Variants in ANGPT2 observed in about 807,000 individuals in gnomAD.
ANGPT2 encodes the protein angiopoietin-2.
ANGPT2 carries 28 observed loss-of-function variants against 62.9 expected under a neutral mutation model. That is an observed-to-expected ratio of 0.44 (90% confidence interval 0.33 to 0.61). The LOEUF (loss-of-function observed/expected upper bound fraction) is 0.61, where lower values mean the gene tolerates loss of function less well. Among genes scored for constraint, ANGPT2 ranks in the 20% least tolerant of loss-of-function variants. The pLI is 0.03. For synonymous variants in ANGPT2, 284 were observed against 207.8 expected (o/e 1.37, Z -3.15); for missense variants, 727 against 594.9 (o/e 1.22, Z -2.31).
chr8:6,561,808 CAG>C (rs1481153705), intron 1 of ANGPT2, among the ~76,000 whole-genome samples: 6 of 149,492 alleles, frequency 4.0e-5, no homozygotes, highest in South Asian at 2.4e-4. Context: ...GAAAGAAAAA[CAG>C]AGCTTTCAAT....
intron 1 of ANGPT2, among the ~76,000 whole-genome samples, chr8:6,532,707 C>T (rs543490191): frequency 2.0e-5 from 3 of 152,004 alleles, no homozygotes; most frequent in Admixed American, 2.0e-4. Flanking sequence ...TTAGTCACAT[C>T]ATGTAAAGGA....
intron 3 of ANGPT2, among the ~76,000 whole-genome samples, chr8:6,526,317 C>G (rs1245146014): frequency 6.7e-6 from 1 of 150,050 alleles, no homozygotes; most frequent in East Asian, 1.9e-4. Flanking sequence ...GCCTGTAGTC[C>G]CAGCTACTCA....
rs142812969 is a variant in ANGPT2, at chr8:6,541,084, G to A, written c.289-8597C>T. Among the ~76,000 whole-genome samples, 342 of 152,346 alleles carry A rather than the reference G, an allele frequency of 2.2e-3. 3 individuals are homozygous for A. The highest frequency in any genetic ancestry group is 7.9e-3 in the African/African-American group (329 of 41,572). Reference sequence around the variant, plus strand: ...GGCAGCTTGGAGCCAACGTCCCTAGGCATGGCCTGGGGGTTTGTGGGAAGG... The same window carrying A: ...GGCAGCTTGGAGCCAACGTCCCTAGACATGGCCTGGGGGTTTGTGGGAAGG... On this transcript the variant is annotated intron_variant, in intron 1 of 8. Transcript: ENST00000629816.
chr8:6,532,869 C>T (rs796683222), intron 1 of ANGPT2, among the ~76,000 whole-genome samples: 40 of 152,264 alleles, frequency 2.6e-4, no homozygotes, highest in African/African-American at 8.4e-4. Flanking sequence ...ACCATGCAGT[C>T]AGGAAATGAT....
intron 5 of ANGPT2, among the ~76,000 whole-genome samples, chr8:6,516,131 A>T (rs1007770250): frequency 1.8e-4 from 27 of 152,208 alleles, no homozygotes; most frequent in African/African-American, 6.5e-4. Context: ...TGAAAGTTAC[A>T]TTTATTAAGA....
At chr8:6,554,213 A>T (rs1824175562) in intron 1 of ANGPT2, among the ~76,000 whole-genome samples, 1 of 151,492 alleles carries the variant, frequency 6.6e-6, no homozygotes, top group South Asian at 2.1e-4. Context: ...AAGAGTGTTA[A>T]CATGGGAGTA....
chr8:6,505,433 TATATTCTTTATATACATATA>T (rs1813326095), intron 8 of ANGPT2, among the ~76,000 whole-genome samples: 5 of 78,684 alleles, frequency 6.4e-5, no homozygotes, highest in Non-Finnish European at 8.2e-5. Context: ...AAAGAATATA[TATATTCTTTATATACATATA>T]GAATATATAT....
In ANGPT2 at chr8:6,501,357, C is replaced by CT. The variant is rs1812140709; in HGVS notation, c.*1743_*1744insA. The stretch of plus-strand genomic sequence containing the variant: ...ACAGACATATAGTAGATGCTAGTTA[C>CT]AGACTGGACTCTGAACTTCCTTGCA... On this transcript the variant is annotated 3_prime_UTR_variant, in exon 9 of 9. Coordinates refer to ENST00000629816, the MANE Select transcript of ANGPT2 (RefSeq NM_001118887.2). 1.3e-5 allele frequency: 2 copies of CT among 152,126 alleles called. No homozygotes were observed. Among genetic ancestry groups the CT allele is most frequent in the Non-Finnish European group, 2.9e-5 (2 of 68,018 alleles). The allele number at this position is 152,126 out of a possible 1,614,324, so 9.4% of individuals were successfully genotyped here.
At position 6,514,671 on chromosome 8, in the gene ANGPT2, C is replaced by T; in HGVS notation, c.1029+6G>A. ...TCTTTTCTGATGCCTTAAAGAATGT[C>T]CTTACCACTTTATATTCTTTCCAAG... On this transcript the variant is annotated splice_donor_region_variant and intron_variant, in intron 6 of 8. Transcript: ENST00000629816. 1 of 1,612,704 alleles carries T rather than the reference C, an allele frequency of 6.2e-7. No individual in the cohort carries two copies. Among genetic ancestry groups the T allele is most frequent in the Non-Finnish European group, 8.5e-7 (1 of 1,178,796 alleles).
At chr8:6,505,555 T>TA (rs1240181384) in intron 8 of ANGPT2, among the ~76,000 whole-genome samples, 1 of 102,006 alleles carries the variant, frequency 9.8e-6, no homozygotes, top group Non-Finnish European at 1.9e-5. Context: ...TATATATACT[T>TA]TATATATGTA....
chr8:6,539,381 G>C (rs552328453), intron 1 of ANGPT2, among the ~76,000 whole-genome samples: 2 of 152,256 alleles, frequency 1.3e-5, no homozygotes, highest in East Asian at 3.9e-4. Context: ...TAAGGCCCTA[G>C]AAGTTGAGGC....
chr8:6,502,499 G>T lies in ANGPT2; in HGVS notation c.*602C>A, dbSNP rs896783743. Reference sequence around the variant, plus strand: ...AAGCTGTCAACATAAATGTAAATACGCTGTTTTTGAAATAAAAATTTAAAG... The same window carrying T: ...AAGCTGTCAACATAAATGTAAATACTCTGTTTTTGAAATAAAAATTTAAAG... On this transcript the variant is annotated 3_prime_UTR_variant, in exon 9 of 9. Transcript: ENST00000629816. 2 of 152,152 alleles carry T rather than the reference G, an allele frequency of 1.3e-5. No homozygotes were observed. The highest frequency in any genetic ancestry group is 2.9e-5 in the Non-Finnish European group (2 of 68,036). 9.4% of individuals were successfully genotyped at this position (152,152 alleles called of 1,614,324 possible).
At chr8:6,509,311 G>A (rs948338474) in intron 7 of ANGPT2, among the ~76,000 whole-genome samples, 4 of 152,162 alleles carry the variant, frequency 2.6e-5, no homozygotes, top group Non-Finnish European at 5.9e-5. Flanking sequence ...TATCAGAAGC[G>A]ACTGTAGAGC....
Position 6,520,473 on chromosome 8 carries a change from G to A in ANGPT2, c.800-482C>T, listed in dbSNP as rs538718677. ...GTGCAGTGACACATCTCAGCTTACC[G>A]CATCCTCCTCCTCCCAGGTTTAAGT... On this transcript the variant is annotated intron_variant, in intron 4 of 8. Coordinates refer to ENST00000629816, the MANE Select transcript of ANGPT2 (RefSeq NM_001118887.2). 1.3e-4 allele frequency among the ~76,000 whole-genome samples: 19 copies of A among 151,936 alleles called. 1 individual carries two copies. The highest frequency in any genetic ancestry group is 3.9e-4 in the African/African-American group (16 of 41,332).
At chr8:6,561,706 A>AAT (rs1243013309) in intron 1 of ANGPT2, among the ~76,000 whole-genome samples, 4 of 152,256 alleles carry the variant, frequency 2.6e-5, no homozygotes, top group African/African-American at 9.6e-5. Context: ...CTTCCTTTAG[A>AAT]ATATATATAG....
chr8:6,534,665 A>G (rs12676103), intron 1 of ANGPT2, among the ~76,000 whole-genome samples: 37,008 of 152,116 alleles, frequency 0.24, 5,575 homozygotes, highest in East Asian at 0.42. Context: ...AAAATAAAAA[A>G]TCAGTCACTG....
chr8:6,519,701 C>T (rs1412041460), intron 5 of ANGPT2, among the ~76,000 whole-genome samples, 163 bp downstream of exon 5: 1 of 152,232 alleles, frequency 6.6e-6, no homozygotes, highest in Non-Finnish European at 1.5e-5. Flanking sequence ...ACTTAGAGCC[C>T]TTGGCAAGCA....
chr8:6,516,313 A>C (rs150929433), intron 5 of ANGPT2, among the ~76,000 whole-genome samples: 3 of 152,292 alleles, frequency 2.0e-5, no homozygotes, highest in Non-Finnish European at 2.9e-5. Flanking sequence ...TCTCACAGCA[A>C]CTCTGCTGTA....
chr8:6,522,271 C>T (rs1202115160), intron 3 of ANGPT2, among the ~76,000 whole-genome samples: 4 of 152,060 alleles, frequency 2.6e-5, no homozygotes, highest in South Asian at 2.1e-4. Context: ...AGGAGAATGG[C>T]GTGATCTCGG....
Sources: gnomAD v4.1 joint callset for allele counts (sites outside exome capture counted in the v4.1 genomes callset) on GRCh38, gnomAD v4.1.1 for gene constraint, MANE v1.5 for transcripts, NCBI Gene and HGNC (gene_info 2026-07-23, HGNC 2026-07-21) for gene names.